Variants in MGAT4C observed in about 807,000 individuals in gnomAD.
The protein encoded by MGAT4C is alpha-1,3-mannosyl-glycoprotein 4-beta-N-acetylglucosaminyltransferase C.
Under a neutral mutation model 40.1 loss-of-function variants are expected in MGAT4C, and 19 were observed. The ratio of observed to expected loss-of-function variants is 0.47; its 90% confidence interval spans 0.33 to 0.70. The LOEUF (loss-of-function observed/expected upper bound fraction) is 0.70. Among genes scored for constraint, MGAT4C ranks in the 30% least tolerant of loss-of-function variants. The pLI is 0.02. For synonymous variants in MGAT4C, 181 were observed against 187.1 expected, an observed-to-expected ratio of 0.97 and a Z score of 0.27; for missense variants, 491 against 563.2, an observed-to-expected ratio of 0.87 and a Z score of 1.30.
intron 3 of MGAT4C, among the ~76,000 whole-genome samples, chr12:86,383,575 A>AG: frequency 6.7e-6 from 1 of 149,206 alleles, no homozygotes; most frequent in African/African-American, 2.4e-5. Context: ...AAAAAAAAAA[A>AG]ACAGAAAGAA....
intron 1 of MGAT4C, among the ~76,000 whole-genome samples, chr12:86,767,950 C>G (rs952073687): frequency 6.6e-6 from 1 of 152,144 alleles, no homozygotes; most frequent in Non-Finnish European, 1.5e-5. Flanking sequence ...CCTTTGAAAA[C>G]TGGCACAAGA....
intron 1 of MGAT4C, among the ~76,000 whole-genome samples, chr12:86,815,991 T>C (rs1952598083): frequency 6.6e-6 from 1 of 151,886 alleles, no homozygotes; most frequent in South Asian, 2.1e-4. Context: ...GCCAATAACT[T>C]ATTTAAAAAA....
intron 1 of MGAT4C, among the ~76,000 whole-genome samples, chr12:86,216,698 G>A (rs1429386550): frequency 6.6e-6 from 1 of 152,088 alleles, no homozygotes; most frequent in East Asian, 1.9e-4. Context: ...TATAAATCAG[G>A]TATTCTGTTA....
chr12:86,290,191 C>T (rs1422730969), intron 4 of MGAT4C, among the ~76,000 whole-genome samples: 1 of 152,122 alleles, frequency 6.6e-6, no homozygotes, highest in African/African-American at 2.4e-5. Flanking sequence ...GGATTACAGG[C>T]ATGCGCCACT....
Position 86,202,435 on chromosome 12 carries a change from G to A in MGAT4C, c.-57+53804C>T, listed in dbSNP as rs192622702. Among the ~76,000 whole-genome samples, 242 of 151,892 alleles carry A rather than the reference G, an allele frequency of 1.6e-3. 1 individual carries two copies. The highest frequency in any genetic ancestry group is 5.5e-3 in the African/African-American group (226 of 41,452). ...ACCAATCCTGCATTCAATAGATAACGTTCCACATAGTAATGGATTATAATT... is the reference window on the plus strand; with the variant it reads ...ACCAATCCTGCATTCAATAGATAACATTCCACATAGTAATGGATTATAATT... On this transcript the variant is annotated intron_variant, in intron 1 of 4. Coordinates refer to ENST00000611864, the MANE Select transcript of MGAT4C (RefSeq NM_001351288.2).
chr12:86,539,533 G>A (rs1290667964), intron 2 of MGAT4C, among the ~76,000 whole-genome samples: 2 of 152,110 alleles, frequency 1.3e-5, no homozygotes, highest in Non-Finnish European at 2.9e-5. Context: ...CTTTGGGTAT[G>A]TACCCAGTAA....
At chr12:86,172,655 C>G (rs1156825461) in intron 1 of MGAT4C, among the ~76,000 whole-genome samples, 1 of 151,990 alleles carries the variant, frequency 6.6e-6, no homozygotes, top group Non-Finnish European at 1.5e-5. Context: ...GGTGTTTATT[C>G]AGTTGTCTGT....
Position 85,991,372 on chromosome 12 carries a change from A to C in MGAT4C, c.-6-1820T>G, listed in dbSNP as rs180952199. Among the ~76,000 whole-genome samples the C allele has an allele frequency of 2.4e-3, 367 of 152,282 alleles. 1 individual carries two copies. The highest frequency in any genetic ancestry group is 8.5e-3 in the African/African-American group (354 of 41,570). ...CATGGGCGGGCCCAGAAAAGGCACC[A>C]CAAGTTCCCAGTCTGGTCTGCAGGA... is the stretch of plus-strand genomic sequence containing the variant. On this transcript the variant is annotated intron_variant, in intron 2 of 4. Coordinates refer to ENST00000611864, the MANE Select transcript of MGAT4C (RefSeq NM_001351288.2).
At chr12:86,837,237 T>A (rs1186438231) in intron 1 of MGAT4C, among the ~76,000 whole-genome samples, 1 of 152,132 alleles carries the variant, frequency 6.6e-6, no homozygotes, top group Non-Finnish European at 1.5e-5. Flanking sequence ...AAGGCCCTGT[T>A]CCTCAATTCC....
At position 86,802,748 on chromosome 12, in the gene MGAT4C, C is replaced by T. The variant is rs372182860; in HGVS notation, c.-262+35918G>A. The stretch of plus-strand genomic sequence containing the variant: ...CTTCAAGGAGAACTACAAACCACTG[C>T]TCAAAGAAATAAAAGAGGATACAAA... On this transcript the variant is annotated intron_variant, in intron 1 of 7. Transcript: ENST00000548651. 1.8e-4 allele frequency among the ~76,000 whole-genome samples: 26 copies of T among 146,434 alleles called. No individual in the cohort carries two copies. The South Asian group carries it at 5.6e-3, about 31-fold the overall frequency.
intron 2 of MGAT4C, among the ~76,000 whole-genome samples, chr12:86,483,582 G>A (rs1214570549): frequency 1.3e-5 from 2 of 151,792 alleles, no homozygotes; most frequent in East Asian, 3.9e-4. Context: ...TGAAAGTTTT[G>A]AGTGTAAAGG....
rs748512406 is a variant in MGAT4C, at chr12:86,360,926, G to T, written c.-119-26799C>A. Among the ~76,000 whole-genome samples the T allele has an allele frequency of 1.8e-4, 28 of 152,168 alleles. 1 individual carries two copies. The highest frequency in any genetic ancestry group is 3.3e-4 in the Admixed American group (5 of 15,284). On this transcript the variant is annotated intron_variant, in intron 3 of 7. Coordinates refer to the MGAT4C transcript ENST00000548651. ...GTCATACTGCCCAAGGTAATTGATA[G>T]ATTCAATGCCATCCCCATCAAGCTA... is the stretch of plus-strand genomic sequence containing the variant.
chr12:86,738,494 G>T (rs1357086671), intron 1 of MGAT4C, among the ~76,000 whole-genome samples: 1 of 151,144 alleles, frequency 6.6e-6, no homozygotes, highest in African/African-American at 2.4e-5. Flanking sequence ...TTCAATAATG[G>T]ATCCACAAAG....
At chr12:86,020,716 A>C (rs1208318132) in intron 2 of MGAT4C, among the ~76,000 whole-genome samples, 1 of 152,246 alleles carries the variant, frequency 6.6e-6, no homozygotes. Context: ...CAATGGCAAC[A>C]AAAGCCAACA....
chr12:86,838,955 C>A (rs1242407471), upstream of MGAT4C: 1 of 152,212 alleles, frequency 6.6e-6, no homozygotes, highest in Non-Finnish European at 1.5e-5. Context: ...AAAATTGTCT[C>A]TGCTCCAGAC....
At chr12:86,349,311 G>A (rs747479835) in intron 3 of MGAT4C, among the ~76,000 whole-genome samples, 1 of 152,108 alleles carries the variant, frequency 6.6e-6, no homozygotes, top group African/African-American at 2.4e-5. Context: ...TCCCATAAGG[G>A]GTGGAGGTAA....
chr12:86,610,935 G>T (rs1962234197), intron 2 of MGAT4C, among the ~76,000 whole-genome samples: 1 of 152,058 alleles, frequency 6.6e-6, no homozygotes, highest in Non-Finnish European at 1.5e-5. Flanking sequence ...GAAAACCTTG[G>T]AAATTCAGAG....
intron 4 of MGAT4C, among the ~76,000 whole-genome samples, chr12:86,328,205 T>C (rs1001412850): frequency 2.6e-5 from 4 of 152,166 alleles, no homozygotes; most frequent in Non-Finnish European, 4.4e-5. Context: ...TAATGGTATA[T>C]GTGAAAAACC....
chr12:86,415,481 T>A (rs1288135551), intron 3 of MGAT4C, among the ~76,000 whole-genome samples: 1 of 151,968 alleles, frequency 6.6e-6, no homozygotes, highest in African/African-American at 2.4e-5. Flanking sequence ...TATGAAAAAG[T>A]GATGGAACAA....
Sources: gnomAD v4.1 joint callset for allele counts (sites outside exome capture counted in the v4.1 genomes callset) on GRCh38, gnomAD v4.1.1 for gene constraint, MANE v1.5 for transcripts, NCBI Gene and HGNC (gene_info 2026-07-23, HGNC 2026-07-21) for gene names.